The following JAM2 variants were observed in gnomAD, a reference collection of about 807,000 sequenced individuals.
The protein encoded by JAM2 is junctional adhesion molecule 2.
Under a neutral mutation model 42.0 loss-of-function variants are expected in JAM2, and 17 were observed. The observed-to-expected ratio is 0.40, with a 90% CI of 0.28 to 0.61. The LOEUF (loss-of-function observed/expected upper bound fraction) is 0.61. JAM2 is among the 20% of genes least tolerant of loss of function. The probability of loss-of-function intolerance (pLI) is 0.37; values close to 1 mark genes in which losing one functional copy is unlikely to be tolerated. For missense variants in JAM2, 319 were observed against 358.3 expected (o/e 0.89, Z 0.89); for synonymous variants, 118 against 128.6 (o/e 0.92, Z 0.56).
At chr21:25,702,130 T>A in intron 5 of JAM2, 40 bp from the exon 6 acceptor site, 1 of 1,126,548 alleles carries the variant, frequency 8.9e-7, no homozygotes, top group South Asian at 1.5e-5. Context: ...TACTTATAGA[T>A]CTATGGCTTA....
intron 4 of JAM2, among the ~76,000 whole-genome samples, chr21:25,695,564 G>GC (rs1041891089): frequency 6.0e-5 from 9 of 149,810 alleles, no homozygotes; most frequent in Non-Finnish European, 8.9e-5. Flanking sequence ...GGGCAGAGGG[G>GC]CCCCCCACCT....
rs80219962 is a variant in JAM2, at chr21:25,699,997, C to G, written c.597+1118C>G. Among the ~76,000 whole-genome samples, 534 of 152,180 alleles carry G rather than the reference C, an allele frequency of 3.5e-3. 3 individuals are homozygous for G. The highest frequency in any genetic ancestry group is 0.012 in the African/African-American group (518 of 41,546). On this transcript the variant is annotated intron_variant, in intron 5 of 9. Coordinates refer to ENST00000480456, the MANE Select transcript of JAM2 (RefSeq NM_021219.4). The stretch of plus-strand genomic sequence containing the variant: ...ATTAAATATTTCCATGACTGTAGAT[C>G]AACAACAGTTGACTCTGTGACTTTA...
chr21:25,682,320 G>T lies in JAM2; in HGVS notation c.68-1563G>T, dbSNP rs1400905803. The stretch of plus-strand genomic sequence containing the variant: ...GTGATGTAGATCAAAGACGGAATTA[G>T]AAAGTTATATTGATACTTTCTGATA... On this transcript the variant is annotated intron_variant, in intron 1 of 9. Coordinates refer to ENST00000480456, the MANE Select transcript of JAM2 (RefSeq NM_021219.4). Among the ~76,000 whole-genome samples the T allele has an allele frequency of 4.6e-5, 7 of 152,248 alleles. No individual in the cohort carries two copies. In the East Asian group the frequency reaches 1.3e-3, roughly 29 times the overall value.
chr21:25,694,457 A>G (rs2033951533), intron 4 of JAM2, among the ~76,000 whole-genome samples: 1 of 152,236 alleles, frequency 6.6e-6, no homozygotes, highest in Non-Finnish European at 1.5e-5. Context: ...TAACAAGGCC[A>G]TACAGCTAGA....
At chr21:25,680,500 A>G (rs11701987) in intron 1 of JAM2, among the ~76,000 whole-genome samples, 9,819 of 152,294 alleles carry the variant, frequency 0.064, 511 homozygotes, top group African/African-American at 0.13. Context: ...GCCACATGGA[A>G]TGTGATGCTT....
chr21:25,649,375 C>A (rs1363387776), intron 1 of JAM2, among the ~76,000 whole-genome samples: 1 of 152,112 alleles, frequency 6.6e-6, no homozygotes, highest in Non-Finnish European at 1.5e-5. Flanking sequence ...TACTTGATGG[C>A]CGGAAGCAGA....
rs1323804805 is a variant in JAM2 at position 25,639,366 on chromosome 21, C to G, written c.-456C>G. On this transcript the variant is annotated 5_prime_UTR_variant, in exon 1 of 10. Coordinates refer to ENST00000480456, the MANE Select transcript of JAM2 (RefSeq NM_021219.4). ...CCCGAGACACCCAATCCCCCCACCCCCAGCCTGCCCGCGCCTCCCGCCCCC... is the reference window on the plus strand; with the variant it reads ...CCCGAGACACCCAATCCCCCCACCCGCAGCCTGCCCGCGCCTCCCGCCCCC... 6.3e-6 allele frequency: 1 copy of G among 157,534 alleles called. No homozygotes were observed. The highest frequency in any genetic ancestry group is 2.4e-5 in the African/African-American group (1 of 41,664). 9.8% of individuals were successfully genotyped at this position (157,534 alleles called of 1,614,324 possible).
intron 3 of JAM2, 56 bp downstream of exon 3, chr21:25,690,029 G>T: frequency 2.7e-6 from 3 of 1,091,470 alleles, no homozygotes; most frequent in Non-Finnish European, 4.2e-6. Context: ...GTACAACCAG[G>T]ATCCTTTAAT....
rs539764793 is a variant in JAM2 at position 25,695,780 on chromosome 21, C to A, written c.394+1872C>A. 5.4e-5 allele frequency among the ~76,000 whole-genome samples: 8 copies of A among 149,170 alleles called. No homozygotes were observed. The East Asian group carries it at 8.0e-4, about 15-fold the overall frequency. On this transcript the variant is annotated intron_variant, in intron 4 of 9. Coordinates refer to ENST00000480456, the MANE Select transcript of JAM2 (RefSeq NM_021219.4). ...GTGGCCGGGCAGAGACGCTCCTCACCTCCCAGACGGGGTCGCGGCCGGGCA... is the reference window on the plus strand; with the variant it reads ...GTGGCCGGGCAGAGACGCTCCTCACATCCCAGACGGGGTCGCGGCCGGGCA...
intron 1 of JAM2, among the ~76,000 whole-genome samples, chr21:25,641,697 C>T (rs2123296161): frequency 6.6e-6 from 1 of 152,254 alleles, no homozygotes; most frequent in African/African-American, 2.4e-5. Context: ...CCCAGTTTCC[C>T]ACATTGTTAA....
chr21:25,663,591 TAGG>T (rs1328731404), intron 1 of JAM2, among the ~76,000 whole-genome samples: 1 of 152,098 alleles, frequency 6.6e-6, no homozygotes, highest in East Asian at 1.9e-4. Context: ...TGAGTTATCA[TAGG>T]AGCGGGACTG....
At chr21:25,685,598 T>A (rs1236281363) in intron 2 of JAM2, among the ~76,000 whole-genome samples, 1 of 147,998 alleles carries the variant, frequency 6.8e-6, no homozygotes, top group Non-Finnish European at 1.5e-5. Context: ...ACTTAAAAAA[T>A]TATTAGGTTA....
intron 1 of JAM2, among the ~76,000 whole-genome samples, chr21:25,665,645 C>T (rs2033199031): frequency 6.6e-6 from 1 of 152,102 alleles, no homozygotes; most frequent in Non-Finnish European, 1.5e-5. Context: ...GGCAGAATTC[C>T]CTCCTGCTTG....
rs973048184 is a variant in JAM2 at position 25,672,468 on chromosome 21, T to C, written c.68-11415T>C. ...CAAACTCTGGAGAAATGATTTACAA[T>C]ACCTAATCTTAAAAATGATTTATTT... On this transcript the variant is annotated intron_variant, in intron 1 of 9. Coordinates refer to ENST00000480456, the MANE Select transcript of JAM2 (RefSeq NM_021219.4). Among the ~76,000 whole-genome samples, 2 of 152,330 alleles carry C rather than the reference T, an allele frequency of 1.3e-5. 1 individual carries two copies. Among genetic ancestry groups the C allele is most frequent in the Admixed American group, 1.3e-4 (2 of 15,296 alleles).
At chr21:25,658,206 T>A (rs958178889) in intron 1 of JAM2, among the ~76,000 whole-genome samples, 1 of 151,956 alleles carries the variant, frequency 6.6e-6, no homozygotes, top group Non-Finnish European at 1.5e-5. Flanking sequence ...TAGAAATTGA[T>A]AAAATGCAGT....
rs752377387 is a variant in JAM2, at chr21:25,698,917, G to T, written c.597+38G>T. 2.6e-6 allele frequency: 4 copies of T among 1,540,426 alleles called. No homozygotes were observed. In the South Asian group the frequency reaches 3.4e-5, roughly 13 times the overall value. Reference sequence around the variant, plus strand: ...CAAGATTTGACTTGATAACTGTCTTGCATTTGGATAAAAAAATTATTAGAA... The same window carrying T: ...CAAGATTTGACTTGATAACTGTCTTTCATTTGGATAAAAAAATTATTAGAA... On this transcript the variant is annotated intron_variant, in intron 5 of 9. Coordinates refer to ENST00000480456, the MANE Select transcript of JAM2 (RefSeq NM_021219.4).
chr21:25,683,028 A>G (rs766374486), intron 1 of JAM2, among the ~76,000 whole-genome samples: 8 of 152,096 alleles, frequency 5.3e-5, no homozygotes, highest in African/African-American at 9.7e-5. Flanking sequence ...GGTACAGGAC[A>G]GGGGCATGGT....
intron 5 of JAM2, among the ~76,000 whole-genome samples, chr21:25,700,021 T>C (rs540021080): frequency 8.5e-5 from 13 of 152,224 alleles, no homozygotes; most frequent in Non-Finnish European, 1.3e-4. Context: ...TCTGTGACTT[T>C]AGTATCTATT....
At chr21:25,681,044 C>G (rs1168657013) in intron 1 of JAM2, among the ~76,000 whole-genome samples, 1 of 152,086 alleles carries the variant, frequency 6.6e-6, no homozygotes, top group Non-Finnish European at 1.5e-5. Context: ...GGTCAGTAGA[C>G]CACAGGAAGA....
Sources: gnomAD v4.1 joint callset for allele counts (sites outside exome capture counted in the v4.1 genomes callset) on GRCh38, gnomAD v4.1.1 for gene constraint, MANE v1.5 for transcripts, NCBI Gene and HGNC (gene_info 2026-07-23, HGNC 2026-07-21) for gene names.